RBKS: variants seen among roughly 807,000 people sequenced by gnomAD.
RBKS encodes the protein ribokinase.
A neutral mutation model predicts 33.9 loss-of-function variants in RBKS; 33 were observed. The observed-to-expected ratio is 0.97, with a 90% CI of 0.74 to 1.30. The LOEUF (loss-of-function observed/expected upper bound fraction) is 1.30. Ranked by LOEUF, RBKS falls within the 50% of genes most tolerant of loss-of-function variation. The probability of loss-of-function intolerance (pLI) is 0.00; values close to 1 mark genes in which losing one functional copy is unlikely to be tolerated. For missense variants in RBKS, 361 were observed against 392.6 expected (o/e 0.92, Z 0.68); for synonymous variants, 125 against 143.0 (o/e 0.87, Z 0.90).
intron 1 of RBKS, chr2:27,861,420 T>C (rs1292124273): frequency 6.5e-6 from 3 of 463,106 alleles, no homozygotes; most frequent in Non-Finnish European, 1.4e-5. Flanking sequence ...TACCAGATCT[T>C]GCCCACTGCA....
intron 7 of RBKS, among the ~76,000 whole-genome samples, chr2:27,826,365 T>C (rs879073523): frequency 6.6e-6 from 1 of 152,150 alleles, no homozygotes; most frequent in Admixed American, 6.5e-5. Flanking sequence ...TCCTCAAGTC[T>C]AGTTTACTTA....
chr2:27,786,164 A>G (rs1163884998), intron 7 of RBKS, among the ~76,000 whole-genome samples: 3 of 152,236 alleles, frequency 2.0e-5, no homozygotes, highest in East Asian at 3.9e-4. Flanking sequence ...TAAAGAATAT[A>G]GAGAAAAATG....
At chr2:27,823,540 G>C (rs897169274) in intron 7 of RBKS, among the ~76,000 whole-genome samples, 6 of 152,134 alleles carry the variant, frequency 3.9e-5, no homozygotes, top group Admixed American at 1.3e-4. Context: ...AAAAGTGAAG[G>C]AGCCCATTTG....
intron 6 of RBKS, among the ~76,000 whole-genome samples, chr2:27,831,555 C>A (rs1028770940): frequency 6.6e-6 from 1 of 152,182 alleles, no homozygotes; most frequent in African/African-American, 2.4e-5. Context: ...TTGTAGCAGT[C>A]TTCTTTCTTG....
chr2:27,888,381 C>T (rs372616386), intron 1 of RBKS, among the ~76,000 whole-genome samples: 36 of 152,168 alleles, frequency 2.4e-4, no homozygotes, highest in African/African-American at 6.5e-4. Context: ...CCCACCTTGG[C>T]CTCCCAAAGT....
intron 2 of RBKS, among the ~76,000 whole-genome samples, chr2:27,857,735 T>C (rs1005934262): frequency 1.3e-5 from 2 of 152,214 alleles, no homozygotes; most frequent in South Asian, 4.1e-4. Flanking sequence ...TACAAACTCA[T>C]TACATTCAGG....
intron 1 of RBKS, among the ~76,000 whole-genome samples, chr2:27,864,857 T>C (rs1355763210): frequency 6.6e-6 from 1 of 152,156 alleles, no homozygotes; most frequent in Non-Finnish European, 1.5e-5. Flanking sequence ...AGAAGCAGCA[T>C]GCATCACCTG....
chr2:27,791,613 T>TACACACACACACAC lies in RBKS; in HGVS notation c.796-9839_796-9826dup, dbSNP rs59707075. 1.5e-3 allele frequency among the ~76,000 whole-genome samples: 212 copies of TACACACACACACAC among 140,998 alleles called. 1 individual carries two copies. The highest frequency in any genetic ancestry group is 5.7e-3 in the African/African-American group (205 of 35,748). 92.5% of individuals were successfully genotyped at this position (140,998 alleles called of 152,430 possible). On this transcript the variant is annotated intron_variant, in intron 7 of 7. Coordinates refer to ENST00000302188, the MANE Select transcript of RBKS (RefSeq NM_022128.3). Reference sequence around the variant, plus strand: ...CATGTGTCAATTCCCATAATAAATCTACACACACACACACACACACACACA... The same window carrying TACACACACACACAC: ...CATGTGTCAATTCCCATAATAAATCTACACACACACACACACACACACACACACACACACACACA...
rs528096549 is a variant in RBKS at position 27,837,208 on chromosome 2, A to G, written c.515-4431T>C. ...AGAATGGCGTGAATCTGGGAGGTGG[A>G]GCTTGCAGTGAGCCGAGATCGTGCC... On this transcript the variant is annotated intron_variant, in intron 5 of 7. Transcript: ENST00000302188. The surrounding 1 kb of genome is among the most constrained non-coding windows in gnomAD (Gnocchi z 4.0). 1.3e-5 allele frequency among the ~76,000 whole-genome samples: 2 copies of G among 152,146 alleles called. No homozygotes were observed. Among genetic ancestry groups the G allele is most frequent in the Non-Finnish European group, 2.9e-5 (2 of 68,012 alleles).
At chr2:27,875,364 A>C (rs1472428216) in intron 1 of RBKS, among the ~76,000 whole-genome samples, 1 of 152,200 alleles carries the variant, frequency 6.6e-6, no homozygotes, top group African/African-American at 2.4e-5. Context: ...CCTGGGCAAC[A>C]TGGCGAGACC....
At chr2:27,883,325 G>A (rs541198696) in intron 1 of RBKS, among the ~76,000 whole-genome samples, 25 of 151,828 alleles carry the variant, frequency 1.6e-4, no homozygotes, top group Non-Finnish European at 3.4e-4. Context: ...TCAGCCTCCC[G>A]AGTAGCTGGG....
chr2:27,841,166 T>C (rs1663493010), intron 5 of RBKS, among the ~76,000 whole-genome samples: 1 of 152,008 alleles, frequency 6.6e-6, no homozygotes, highest in African/African-American at 2.4e-5. Flanking sequence ...CCCCACCCAA[T>C]GACAGCCCCA....
intron 7 of RBKS, among the ~76,000 whole-genome samples, chr2:27,811,598 C>T (rs968768689): frequency 6.6e-6 from 1 of 152,184 alleles, no homozygotes; most frequent in African/African-American, 2.4e-5. Flanking sequence ...ATTTAGGCTT[C>T]TCTTTGTAGC....
intron 7 of RBKS, among the ~76,000 whole-genome samples, chr2:27,790,078 C>G (rs966849348): frequency 1.3e-5 from 2 of 150,412 alleles, no homozygotes; most frequent in African/African-American, 4.9e-5. Flanking sequence ...GATCTACCTG[C>G]CTTGGCCTCT....
At chr2:27,802,507 GA>G (rs997566314) in intron 7 of RBKS, among the ~76,000 whole-genome samples, 3 of 151,592 alleles carry the variant, frequency 2.0e-5, no homozygotes, top group African/African-American at 4.8e-5. Context: ...GGGTGATTAG[GA>G]AAAAAAGTCT....
chr2:27,850,609 T>A (rs1349801198), intron 2 of RBKS, among the ~76,000 whole-genome samples: 1 of 152,208 alleles, frequency 6.6e-6, no homozygotes, highest in African/African-American at 2.4e-5. Flanking sequence ...TTTTACTTAG[T>A]AATATGCAAC....
chr2:27,840,277 C>T (rs554376176), intron 5 of RBKS, among the ~76,000 whole-genome samples: 1 of 150,324 alleles, frequency 6.7e-6, no homozygotes, highest in Non-Finnish European at 1.5e-5. Flanking sequence ...ACCTCGGCCT[C>T]CCAAAGTGCT....
intron 5 of RBKS, among the ~76,000 whole-genome samples, chr2:27,841,502 A>G (rs1482983556): frequency 6.6e-6 from 1 of 152,194 alleles, no homozygotes; most frequent in Non-Finnish European, 1.5e-5. Flanking sequence ...CTCCAAGAAA[A>G]TGGAACCAAA....
At chr2:27,829,996 A>G (rs1317250972) in intron 6 of RBKS, among the ~76,000 whole-genome samples, 1 of 152,086 alleles carries the variant, frequency 6.6e-6, no homozygotes, top group Admixed American at 6.5e-5. Context: ...GCACACTTTT[A>G]GTATCCATGA....
Sources: allele counts gnomAD v4.1 joint callset (sites outside exome capture counted in the v4.1 genomes callset), GRCh38; gene constraint gnomAD v4.1.1; non-coding constraint Gnocchi (gnomAD v3.1); transcripts MANE v1.5; gene names NCBI Gene and HGNC (gene_info 2026-07-23, HGNC 2026-07-21).